The following CDYL variants were observed in gnomAD, a reference collection of about 807,000 sequenced individuals.
CDYL encodes chromodomain Y like.
A neutral mutation model predicts 47.3 loss-of-function variants in CDYL; 8 were observed. The ratio of observed to expected loss-of-function variants is 0.17; its 90% CI spans 0.10 to 0.31. CDYL has a LOEUF of 0.31. Among genes scored for constraint, CDYL ranks in the 10% least tolerant of loss-of-function variants. CDYL has a pLI of 1.00. For missense variants in CDYL, 471 were observed against 701.4 expected, an observed-to-expected ratio of 0.67 and a Z score of 3.71; for synonymous variants, 266 against 265.0, an observed-to-expected ratio of 1.00 and a Z score of -0.04.
intron 3 of CDYL, among the ~76,000 whole-genome samples, chr6:4,759,250 T>C (rs1489125955): frequency 2.0e-5 from 3 of 152,164 alleles, no homozygotes; most frequent in Non-Finnish European, 2.9e-5. Flanking sequence ...ATTACAGGCG[T>C]GAGCCACCGC....
chr6:4,854,764 G>T (rs892774315), intron 1 of CDYL, among the ~76,000 whole-genome samples: 4 of 152,170 alleles, frequency 2.6e-5, no homozygotes, highest in African/African-American at 9.7e-5. Flanking sequence ...CCAGGGTGAC[G>T]TCGAAACAAA....
intron 1 of CDYL, among the ~76,000 whole-genome samples, chr6:4,712,971 C>G (rs1402567921): frequency 6.6e-6 from 1 of 152,156 alleles, no homozygotes; most frequent in East Asian, 1.9e-4. Flanking sequence ...ACGGCAAGAC[C>G]CCGTCTCTAC....
chr6:4,877,296 G>A (rs1761646727), intron 1 of CDYL, among the ~76,000 whole-genome samples: 1 of 151,964 alleles, frequency 6.6e-6, no homozygotes, highest in Non-Finnish European at 1.5e-5. Context: ...ATCTGTCCCC[G>A]TCAACATTGT....
chr6:4,810,633 A>G (rs918740632), intron 1 of CDYL, among the ~76,000 whole-genome samples: 6 of 152,178 alleles, frequency 3.9e-5, no homozygotes, highest in African/African-American at 7.2e-5. Flanking sequence ...AAATACTATA[A>G]ACTGGGAGGC....
At chr6:4,947,107 T>G (rs1376552377) in intron 5 of CDYL, among the ~76,000 whole-genome samples, 1 of 152,202 alleles carries the variant, frequency 6.6e-6, no homozygotes. Context: ...AGCTCCCACC[T>G]GCACCCTTGG....
intron 1 of CDYL, among the ~76,000 whole-genome samples, chr6:4,835,925 G>A (rs533661365): frequency 7.2e-5 from 11 of 152,152 alleles, no homozygotes; most frequent in South Asian, 4.1e-4. Context: ...TTTTAAGCCC[G>A]TCAGAAAAGC....
At chr6:4,788,834 A>C (rs951584025) in intron 1 of CDYL, among the ~76,000 whole-genome samples, 3 of 151,190 alleles carry the variant, frequency 2.0e-5, no homozygotes, top group Non-Finnish European at 4.4e-5. Context: ...TTCCCACCCC[A>C]CCTGTTAGGA....
chr6:4,914,779 C>A (rs1053031104), intron 2 of CDYL, among the ~76,000 whole-genome samples: 1 of 152,146 alleles, frequency 6.6e-6, no homozygotes, highest in African/African-American at 2.4e-5. Context: ...AGAACGGGGC[C>A]CACACATGGC....
At chr6:4,788,213 G>T (rs911654388) in intron 1 of CDYL, among the ~76,000 whole-genome samples, 1 of 152,034 alleles carries the variant, frequency 6.6e-6, no homozygotes, top group African/African-American at 2.4e-5. Context: ...TTTCAGGCTG[G>T]GTGTAGTGGC....
At chr6:4,894,879 GTA>G (rs1491298752) in intron 2 of CDYL, among the ~76,000 whole-genome samples, 16 of 145,846 alleles carry the variant, frequency 1.1e-4, no homozygotes, top group Admixed American at 3.3e-4. Context: ...ACACACATGT[GTA>G]TGTGTGTGTA....
At chr6:4,836,705 A>G (rs931818931) in intron 1 of CDYL, among the ~76,000 whole-genome samples, 6 of 152,242 alleles carry the variant, frequency 3.9e-5, no homozygotes, top group Admixed American at 1.3e-4. Flanking sequence ...AGAACTGTTT[A>G]TATTGAATTT....
chr6:4,935,111 G>A (rs555280647), intron 2 of CDYL, among the ~76,000 whole-genome samples: 6 of 152,216 alleles, frequency 3.9e-5, no homozygotes, highest in South Asian at 2.1e-4. Flanking sequence ...AAGAAGTTTC[G>A]ACTAGATGGC....
intron 1 of CDYL, among the ~76,000 whole-genome samples, chr6:4,886,159 G>A (rs1318764414): frequency 2.0e-5 from 3 of 152,032 alleles, no homozygotes; most frequent in South Asian, 2.1e-4. Flanking sequence ...ATAGACATTC[G>A]GATTGTTTCT....
intron 4 of CDYL, among the ~76,000 whole-genome samples, chr6:4,942,305 C>T (rs1188669731): frequency 2.0e-5 from 3 of 152,132 alleles, no homozygotes; most frequent in Non-Finnish European, 2.9e-5. Flanking sequence ...CACAACCCTC[C>T]TCACCTCCCT....
At chr6:4,748,224 C>A (rs963870674) in intron 3 of CDYL, among the ~76,000 whole-genome samples, 1 of 152,266 alleles carries the variant, frequency 6.6e-6, no homozygotes, top group South Asian at 2.1e-4. Flanking sequence ...GTAACAGCTA[C>A]TTAGTCTTCT....
intron 1 of CDYL, among the ~76,000 whole-genome samples, chr6:4,819,234 C>T (rs1759765855): frequency 6.9e-6 from 1 of 144,220 alleles, no homozygotes; most frequent in Non-Finnish European, 1.5e-5. Flanking sequence ...TATTTATGTG[C>T]ATTGGATTTA....
At chr6:4,834,685 A>G (rs1467020226) in intron 1 of CDYL, among the ~76,000 whole-genome samples, 1 of 152,074 alleles carries the variant, frequency 6.6e-6, no homozygotes, top group East Asian at 1.9e-4. Context: ...ACTTGATTCC[A>G]TTCTCCCTGT....
intron 2 of CDYL, among the ~76,000 whole-genome samples, chr6:4,900,779 G>GTGTATGTATATATA: frequency 3.9e-5 from 2 of 51,720 alleles, no homozygotes; most frequent in African/African-American, 1.3e-4. Context: ...GTATACGTGT[G>GTGTATGTATATATA]TATATATATA....
At chr6:4,832,712 CTT>C (rs1289798793) in intron 1 of CDYL, among the ~76,000 whole-genome samples, 1 of 147,650 alleles carries the variant, frequency 6.8e-6, no homozygotes, top group African/African-American at 2.5e-5. Context: ...GTCCTGGACT[CTT>C]TTTGGTTGGT....
Sources: gnomAD v4.1 joint callset for allele counts (sites outside exome capture counted in the v4.1 genomes callset) on GRCh38, gnomAD v4.1.1 for gene constraint, MANE v1.5 for transcripts, NCBI Gene and HGNC (gene_info 2026-07-23, HGNC 2026-07-21) for gene names.